PRKG1: variants seen among roughly 807,000 people sequenced by gnomAD.
PRKG1 encodes cGMP-dependent protein kinase 1.
A neutral mutation model predicts 88.1 loss-of-function variants in PRKG1; 35 were observed. The ratio of observed to expected loss-of-function variants is 0.40; its 90% CI spans 0.30 to 0.53. The LOEUF (loss-of-function observed/expected upper bound fraction) is 0.53. Ranked by LOEUF, PRKG1 falls within the 20% of genes least tolerant of loss-of-function variation. The pLI is 0.59. For synonymous variants in PRKG1, 303 were observed against 292.5 expected (o/e 1.04, Z -0.37); for missense variants, 540 against 839.8 (o/e 0.64, Z 4.41).
chr10:51,683,675 C>T (rs1236576933), intron 3 of PRKG1, among the ~76,000 whole-genome samples: 3 of 152,130 alleles, frequency 2.0e-5, no homozygotes, highest in Non-Finnish European at 4.4e-5. Flanking sequence ...GGTGCCACGG[C>T]TTGATCTGAT....
intron 3 of PRKG1, among the ~76,000 whole-genome samples, chr10:51,593,006 A>G (rs1202431745): frequency 2.6e-5 from 4 of 152,216 alleles, no homozygotes; most frequent in Admixed American, 2.0e-4. Flanking sequence ...ATCACTATCA[A>G]TTTAAAAGAC....
intron 2 of PRKG1, among the ~76,000 whole-genome samples, chr10:51,415,777 A>G (rs976643664): frequency 2.6e-5 from 4 of 152,180 alleles, no homozygotes; most frequent in African/African-American, 9.7e-5. Flanking sequence ...CCACCGCTTT[A>G]TTAGTCCCAA....
intron 2 of PRKG1, among the ~76,000 whole-genome samples, chr10:51,460,628 G>A (rs1380208437): frequency 3.3e-5 from 5 of 152,092 alleles, no homozygotes; most frequent in Non-Finnish European, 5.9e-5. Context: ...TGCTTGACAT[G>A]TATTTTAAGT....
chr10:51,692,237 A>ATTTT (rs1156949234), intron 3 of PRKG1, among the ~76,000 whole-genome samples: 12 of 151,466 alleles, frequency 7.9e-5, no homozygotes, highest in African/African-American at 2.4e-4. Context: ...GCCTTTTTAA[A>ATTTT]AAAAAAAAAT....
chr10:51,471,241 A>G (rs1254043404), intron 3 of PRKG1, among the ~76,000 whole-genome samples: 1 of 151,934 alleles, frequency 6.6e-6, no homozygotes, highest in Non-Finnish European at 1.5e-5. Flanking sequence ...AACATTCCCA[A>G]TGGCATGGGG....
At chr10:51,060,404 A>T (rs1011597449) in intron 1 of PRKG1, among the ~76,000 whole-genome samples, 1 of 151,834 alleles carries the variant, frequency 6.6e-6, no homozygotes, top group Non-Finnish European at 1.5e-5. Flanking sequence ...CTCTACTTTA[A>T]TGAATCTATT....
intron 3 of PRKG1, among the ~76,000 whole-genome samples, chr10:51,510,204 T>C (rs930118527): frequency 6.6e-6 from 1 of 152,208 alleles, no homozygotes; most frequent in Non-Finnish European, 1.5e-5. Flanking sequence ...TTATTTTAAT[T>C]TTGATTGGCA....
At chr10:51,286,701 T>C (rs973267257) in intron 2 of PRKG1, among the ~76,000 whole-genome samples, 4 of 152,212 alleles carry the variant, frequency 2.6e-5, no homozygotes, top group Non-Finnish European at 5.9e-5. Context: ...CTGGGAACAT[T>C]CAACATCCCC....
At chr10:52,081,501 G>C in intron 7 of PRKG1, 1 of 439,234 alleles carries the variant, frequency 2.3e-6, no homozygotes, top group Non-Finnish European at 4.6e-6. Context: ...AGTCAAATTT[G>C]TGTCTTCAAT....
At chr10:52,190,660 T>A (rs1839337524) in intron 9 of PRKG1, among the ~76,000 whole-genome samples, 1 of 152,200 alleles carries the variant, frequency 6.6e-6, no homozygotes, top group Admixed American at 6.5e-5. Flanking sequence ...GACTACCAGA[T>A]GTCTATTGCC....
At chr10:51,459,128 T>A (rs1839672191) in intron 2 of PRKG1, among the ~76,000 whole-genome samples, 1 of 152,070 alleles carries the variant, frequency 6.6e-6, no homozygotes, top group African/African-American at 2.4e-5. Context: ...ACTTTCCTCA[T>A]CACTCCTTCA....
intron 3 of PRKG1, among the ~76,000 whole-genome samples, chr10:51,800,477 C>A (rs1315687163): frequency 6.6e-6 from 1 of 152,070 alleles, no homozygotes; most frequent in Non-Finnish European, 1.5e-5. Context: ...TGGGAAAAAT[C>A]ATGTAGCACA....
chr10:51,234,733 T>G (rs1328199970), intron 2 of PRKG1, among the ~76,000 whole-genome samples: 1 of 152,148 alleles, frequency 6.6e-6, no homozygotes, highest in Non-Finnish European at 1.5e-5. Context: ...TGTATTTTTT[T>G]CCTCAATTAG....
chr10:51,409,704 A>T (rs1564481897), intron 2 of PRKG1, among the ~76,000 whole-genome samples: 1 of 151,808 alleles, frequency 6.6e-6, no homozygotes. Context: ...AATGCAAAAA[A>T]ATTAGCTGGC....
intron 9 of PRKG1, among the ~76,000 whole-genome samples, chr10:52,193,764 A>G (rs796734288): frequency 1.3e-5 from 2 of 152,284 alleles, no homozygotes; most frequent in African/African-American, 2.4e-5. Context: ...AGCAAGTACT[A>G]TAACCAGTTT....
intron 3 of PRKG1, among the ~76,000 whole-genome samples, chr10:51,533,332 G>T (rs988676493): frequency 1.3e-5 from 2 of 152,136 alleles, no homozygotes; most frequent in Admixed American, 6.5e-5. Flanking sequence ...TAGAACAACT[G>T]CTTTCCTCTA....
intron 9 of PRKG1, among the ~76,000 whole-genome samples, chr10:52,172,509 A>G (rs1028657446): frequency 6.6e-6 from 1 of 152,224 alleles, no homozygotes; most frequent in East Asian, 1.9e-4. Flanking sequence ...TTTCTTTTCA[A>G]TAGCTTGATA....
At chr10:52,158,538 A>T (rs1459055651) in intron 8 of PRKG1, among the ~76,000 whole-genome samples, 1 of 151,628 alleles carries the variant, frequency 6.6e-6, no homozygotes. Context: ...GCTTATCAAG[A>T]TGTCTTAAAT....
chr10:51,647,908 A>G (rs1839952943), intron 3 of PRKG1, among the ~76,000 whole-genome samples: 3 of 152,148 alleles, frequency 2.0e-5, no homozygotes, highest in Non-Finnish European at 4.4e-5. Flanking sequence ...TGATGTCTGC[A>G]TTCCAGACTT....
Sources: gnomAD v4.1 joint callset for allele counts (sites outside exome capture counted in the v4.1 genomes callset) on GRCh38, gnomAD v4.1.1 for gene constraint, MANE v1.5 for transcripts, NCBI Gene and HGNC (gene_info 2026-07-23, HGNC 2026-07-21) for gene names.